Variants in DNAJC16 observed in about 807,000 individuals in gnomAD.
DNAJC16 encodes DnaJ heat shock protein family (Hsp40) member C16.
Under a neutral mutation model 92.7 loss-of-function variants are expected in DNAJC16, and 76 were observed. The ratio of observed to expected loss-of-function variants is 0.82; its 90% CI spans 0.68 to 0.99. The LOEUF is 0.99. DNAJC16 is among the 50% of genes least tolerant of loss of function. The pLI is 0.00. For synonymous variants in DNAJC16, 328 were observed against 358.7 expected (o/e 0.91, Z 0.97); for missense variants, 869 against 942.4 (o/e 0.92, Z 1.02).
chr1:15,547,862 A>AT (rs1215890247), intron 6 of DNAJC16, among the ~76,000 whole-genome samples: 2 of 151,904 alleles, frequency 1.3e-5, no homozygotes, highest in Non-Finnish European at 2.9e-5. Context: ...CCTGTGAATG[A>AT]TTCCCCCACT....
At chr1:15,541,535 T>G (rs569871436) in intron 4 of DNAJC16, among the ~76,000 whole-genome samples, 15 of 152,192 alleles carry the variant, frequency 9.9e-5, no homozygotes, top group Non-Finnish European at 2.1e-4. Context: ...TTTCCTGCCC[T>G]TGAGAGACTG....
intron 4 of DNAJC16, among the ~76,000 whole-genome samples, chr1:15,543,787 A>G (rs1020111515): frequency 6.6e-6 from 1 of 152,192 alleles, no homozygotes; most frequent in African/African-American, 2.4e-5. Flanking sequence ...GAAAACCAAC[A>G]AGACTTGCCG....
chr1:15,538,512 GTTCGAGAC>G (rs1279079075), intron 4 of DNAJC16, among the ~76,000 whole-genome samples: 1 of 152,176 alleles, frequency 6.6e-6, no homozygotes, highest in Non-Finnish European at 1.5e-5. Flanking sequence ...GAGGTCAGTA[GTTCGAGAC>G]CAGCCTGGCC....
intron 7 of DNAJC16, among the ~76,000 whole-genome samples, chr1:15,555,166 A>G (rs913168377): frequency 6.6e-6 from 1 of 151,078 alleles, no homozygotes; most frequent in Non-Finnish European, 1.5e-5. Context: ...GCCTGAGACC[A>G]GGAGTTCAAG....
At chr1:15,547,250 C>T (rs1307070051) in intron 6 of DNAJC16, among the ~76,000 whole-genome samples, 2 of 150,446 alleles carry the variant, frequency 1.3e-5, no homozygotes, top group Non-Finnish European at 1.5e-5. Context: ...CAGGTTCAAG[C>T]GATTCTTCTG....
chr1:15,536,347 T>C, intron 3 of DNAJC16, 128 bp from the exon 4 acceptor site: 1 of 734,624 alleles, frequency 1.4e-6, no homozygotes, highest in Non-Finnish European at 2.1e-6. Flanking sequence ...CCCAAAGTGC[T>C]GGGATTACAG....
chr1:15,536,101 T>C (rs1428172896), intron 3 of DNAJC16, among the ~76,000 whole-genome samples: 1 of 146,732 alleles, frequency 6.8e-6, no homozygotes, highest in Non-Finnish European at 1.5e-5. Flanking sequence ...GAGACGGAGT[T>C]TCGCTCTTGT....
intron 2 of DNAJC16, among the ~76,000 whole-genome samples, chr1:15,532,377 T>C (rs1282257550): frequency 6.6e-6 from 1 of 152,220 alleles, no homozygotes; most frequent in East Asian, 1.9e-4. Flanking sequence ...GACAATACTT[T>C]CCTATGGCTG....
chr1:15,531,603 G>A (rs1710662479), intron 2 of DNAJC16, among the ~76,000 whole-genome samples: 1 of 152,182 alleles, frequency 6.6e-6, no homozygotes, highest in South Asian at 2.1e-4. Context: ...CTATTAAAAT[G>A]TATAGCTTTG....
At position 15,567,257 on chromosome 1, in the gene DNAJC16, A is replaced by C. The variant is rs758094066; in HGVS notation, c.1937A>C (p.Tyr646Ser). ...SLLQKFALEV[Y>S]TFTGSSCLHF... is the part of the protein sequence containing the mutation. ...CTACAGAAATTTGCTTTGGAGGTCT[A>C]CACATTTACTGGGTAAGCATGTGTG... Residue 646 changes from tyrosine (Y) to serine (S), a missense_variant, in exon 14 of 15, where the codon TAC (tyrosine) becomes TCC (serine). Physicochemically the swap from Tyr to Ser is moderately radical, Grantham distance 144. Transcript: ENST00000375847. 2 of 1,613,536 alleles carry C rather than the reference A, an allele frequency of 1.2e-6. No homozygotes were observed. Among genetic ancestry groups the C allele is most frequent in the Non-Finnish European group, 8.5e-7 (1 of 1,179,690 alleles).
At chr1:15,555,142 G>A (rs1293053866) in intron 7 of DNAJC16, among the ~76,000 whole-genome samples, 2 of 151,278 alleles carry the variant, frequency 1.3e-5, no homozygotes, top group African/African-American at 2.4e-5. Flanking sequence ...TTTGGAGGCC[G>A]AGGCAGGTGG....
chr1:15,536,513 A>G lies in DNAJC16; in HGVS notation c.273A>G (p.Gln91=), dbSNP rs146763347. The G allele has an allele frequency of 2.1e-5, 34 of 1,612,434 alleles. No homozygotes were observed. The African/African-American group carries it at 3.7e-4, about 18-fold the overall frequency. The change falls in exon 4 of 15, where the codon CAA becomes CAG. Residue 91 remains glutamine, a synonymous_variant. Transcript: ENST00000375847. ...SNEEKRSNYD[Q]YGDAGENQGY... The stretch of plus-strand genomic sequence containing the variant: ...AAGAAAAGAGATCAAATTATGATCA[A>G]TATGGAGACGCTGGAGAGAACCAGG...
At chr1:15,549,817 CAAAA>C (rs777127254) in intron 7 of DNAJC16, among the ~76,000 whole-genome samples, 2 of 56,372 alleles carry the variant, frequency 3.5e-5, no homozygotes, top group Non-Finnish European at 3.7e-5. Flanking sequence ...GACTCCGTCT[CAAAA>C]AAAAAAAAAA....
intron 7 of DNAJC16, among the ~76,000 whole-genome samples, chr1:15,548,630 T>G (rs1638369169): frequency 6.6e-6 from 1 of 152,202 alleles, no homozygotes; most frequent in Non-Finnish European, 1.5e-5. Flanking sequence ...TTTTAGCACC[T>G]TTAAAGGGCT....
intron 4 of DNAJC16, among the ~76,000 whole-genome samples, chr1:15,539,114 C>T (rs1009180230): frequency 6.6e-6 from 1 of 152,268 alleles, no homozygotes; most frequent in Non-Finnish European, 1.5e-5. Context: ...TACTAATGCA[C>T]GGAAGACCCT....
At chr1:15,553,602 A>T (rs993344013) in intron 7 of DNAJC16, among the ~76,000 whole-genome samples, 1 of 152,178 alleles carries the variant, frequency 6.6e-6, no homozygotes, top group Non-Finnish European at 1.5e-5. Flanking sequence ...ATGCAGAAAG[A>T]TGCACAAGTC....
At chr1:15,539,273 GCTCT>G (rs1220757576) in intron 4 of DNAJC16, among the ~76,000 whole-genome samples, 2 of 150,834 alleles carry the variant, frequency 1.3e-5, no homozygotes, top group Non-Finnish European at 3.0e-5. Context: ...TGAGACGGAG[GCTCT>G]CTCTGTCGCC....
chr1:15,563,383 G>A (rs1638733835), intron 9 of DNAJC16, among the ~76,000 whole-genome samples: 1 of 151,628 alleles, frequency 6.6e-6, no homozygotes, highest in African/African-American at 2.4e-5. Flanking sequence ...ACAAAAATTA[G>A]CTGGTGTGGT....
intron 11 of DNAJC16, 48 bp from the exon 12 acceptor site, chr1:15,565,871 A>T: frequency 6.4e-7 from 1 of 1,560,680 alleles, no homozygotes; most frequent in Non-Finnish European, 8.8e-7. Context: ...TTTTAGCTGG[A>T]GAGAAGAAAT....
Sources: allele counts gnomAD v4.1 joint callset (sites outside exome capture counted in the v4.1 genomes callset), GRCh38; gene constraint gnomAD v4.1.1; transcripts MANE v1.5; gene names NCBI Gene and HGNC (gene_info 2026-07-23, HGNC 2026-07-21).